Variants in DCBLD2 observed in about 807,000 individuals in gnomAD.
DCBLD2 encodes discoidin, CUB and LCCL domain containing 2, also known as discoidin, CUB and LCCL domain-containing protein 2.
Under a neutral mutation model 86.8 loss-of-function variants are expected in DCBLD2, and 54 were observed. That is an observed-to-expected ratio of 0.62 (90% CI 0.50 to 0.78). The LOEUF (loss-of-function observed/expected upper bound fraction) is 0.78. Among genes scored for constraint, DCBLD2 ranks in the 30% least tolerant of loss-of-function variants. DCBLD2 has a pLI of 0.00. For synonymous variants in DCBLD2, 354 were observed against 341.3 expected, an observed-to-expected ratio of 1.04 and a Z score of -0.41; for missense variants, 908 against 954.2, an observed-to-expected ratio of 0.95 and a Z score of 0.64.
At chr3:98,830,130 A>G (rs1403709491) in intron 3 of DCBLD2, among the ~76,000 whole-genome samples, 1 of 151,594 alleles carries the variant, frequency 6.6e-6, no homozygotes, top group Admixed American at 6.6e-5. Context: ...TTGATGTTGG[A>G]TATCAGACCT....
At chr3:98,890,577 C>T (rs1943642502) in intron 1 of DCBLD2, 2 of 152,064 alleles carry the variant, frequency 1.3e-5, no homozygotes, top group South Asian at 4.1e-4. Context: ...TTCTGAGCTG[C>T]CAAAAGCCAA....
At chr3:98,846,890 C>T (rs1942735828) in intron 3 of DCBLD2, among the ~76,000 whole-genome samples, 1 of 151,790 alleles carries the variant, frequency 6.6e-6, no homozygotes, top group South Asian at 2.1e-4. Context: ...TTTAAAAAAA[C>T]AGGATACTTA....
chr3:98,867,013 T>C (rs1943159935), intron 2 of DCBLD2, among the ~76,000 whole-genome samples: 1 of 152,166 alleles, frequency 6.6e-6, no homozygotes, highest in African/African-American at 2.4e-5. Flanking sequence ...GATCAGATGG[T>C]TGTAGATGTG....
intron 3 of DCBLD2, among the ~76,000 whole-genome samples, chr3:98,840,323 A>G (rs1942597009): frequency 6.6e-6 from 1 of 152,194 alleles, no homozygotes; most frequent in South Asian, 2.1e-4. Context: ...AGCTTGAGAA[A>G]AAGAGAGGAG....
chr3:98,799,891 T>G, intron 15 of DCBLD2, 50 bp from the exon 16 acceptor site: 2 of 1,473,824 alleles, frequency 1.4e-6, no homozygotes, highest in Non-Finnish European at 1.8e-6. Flanking sequence ...GTAAAGAGAT[T>G]GCATAATTTA....
At chr3:98,878,514 A>C (rs895398251) in intron 2 of DCBLD2, among the ~76,000 whole-genome samples, 1 of 152,238 alleles carries the variant, frequency 6.6e-6, no homozygotes, top group African/African-American at 2.4e-5. Context: ...AAAAAGATTC[A>C]GTGACATTAT....
chr3:98,812,672 A>G (rs112866538), intron 9 of DCBLD2, 190 bp from the exon 10 acceptor site: 11 of 484,128 alleles, frequency 2.3e-5, no homozygotes, highest in African/African-American at 2.0e-4. Flanking sequence ...ATTTTTATCA[A>G]AAGTTTATGA....
chr3:98,797,685 A>G lies in DCBLD2; in HGVS notation c.*1687T>C, dbSNP rs1941637344. The G allele has an allele frequency of 6.6e-6, 1 of 152,228 alleles. No individual in the cohort carries two copies. Among genetic ancestry groups the G allele is most frequent in the Non-Finnish European group, 1.5e-5 (1 of 68,032 alleles). The allele number at this position is 152,228 out of a possible 1,614,324, so 9.4% of individuals were successfully genotyped here. A position where few individuals can be genotyped will look rare whatever the true frequency, so the allele number is the denominator to read the frequency against. ...CCAGTGAAAATAAGGCCAAAAAACCATACCACAAAAGGACAGGAAGCCTGC... is the reference window on the plus strand; with the variant it reads ...CCAGTGAAAATAAGGCCAAAAAACCGTACCACAAAAGGACAGGAAGCCTGC... On this transcript the variant is annotated 3_prime_UTR_variant, in exon 16 of 16. Transcript: ENST00000326840.
intron 3 of DCBLD2, among the ~76,000 whole-genome samples, chr3:98,827,315 T>C (rs1449347591): frequency 6.6e-6 from 1 of 152,172 alleles, no homozygotes; most frequent in Non-Finnish European, 1.5e-5. Context: ...CAAAAAAATT[T>C]CCGACTTCTA....
At chr3:98,882,797 A>T (rs1943495161) in intron 1 of DCBLD2, among the ~76,000 whole-genome samples, 1 of 152,206 alleles carries the variant, frequency 6.6e-6, no homozygotes, top group Admixed American at 6.5e-5. Context: ...TATATGTGCC[A>T]CATTTTCTTT....
intron 2 of DCBLD2, among the ~76,000 whole-genome samples, chr3:98,869,326 T>C (rs1226748885): frequency 6.6e-6 from 1 of 152,246 alleles, no homozygotes; most frequent in Non-Finnish European, 1.5e-5. Flanking sequence ...TTTCAGTTCC[T>C]TGTAGATTAC....
chr3:98,867,933 G>A (rs1190910938), intron 2 of DCBLD2, among the ~76,000 whole-genome samples: 2 of 151,906 alleles, frequency 1.3e-5, no homozygotes, highest in Non-Finnish European at 2.9e-5. Flanking sequence ...CTCCTGCATA[G>A]CTGGGACTAC....
At chr3:98,877,930 A>G (rs1256606392) in intron 2 of DCBLD2, among the ~76,000 whole-genome samples, 1 of 152,214 alleles carries the variant, frequency 6.6e-6, no homozygotes, top group Non-Finnish European at 1.5e-5. Context: ...GGAAAGGGTG[A>G]TAAGTGATGG....
At chr3:98,819,802 C>G (rs1487355225) in intron 7 of DCBLD2, among the ~76,000 whole-genome samples, 2 of 152,146 alleles carry the variant, frequency 1.3e-5, no homozygotes, top group African/African-American at 4.8e-5. Flanking sequence ...TCCTTATTTT[C>G]CTACATCTTT....
rs1943496022 is a variant in DCBLD2 at position 98,882,839 on chromosome 3, A to G, written c.206-1072T>C. On this transcript the variant is annotated intron_variant, in intron 1 of 15. Coordinates refer to ENST00000326840, the MANE Select transcript of DCBLD2 (RefSeq NM_080927.4). Reference sequence around the variant, plus strand: ...TCTATTACTGATGAACACTTGGGTTAGTTCCAAGTCTTTGCTATTGTGAAT... The same window carrying G: ...TCTATTACTGATGAACACTTGGGTTGGTTCCAAGTCTTTGCTATTGTGAAT... Among the ~76,000 whole-genome samples, 3 of 152,206 alleles carry G rather than the reference A, an allele frequency of 2.0e-5. No homozygotes were observed. In the South Asian group the frequency reaches 6.2e-4, roughly 32 times the overall value.
intron 10 of DCBLD2, among the ~76,000 whole-genome samples, chr3:98,812,115 A>T (rs1311533975): frequency 6.6e-6 from 1 of 152,030 alleles, no homozygotes; most frequent in Non-Finnish European, 1.5e-5. Flanking sequence ...CTTATGAATG[A>T]TGCTATTTCT....
chr3:98,812,212 T>C lies in DCBLD2; in HGVS notation c.1363+120A>G, dbSNP rs142726057. 324 of 1,342,808 alleles carry C rather than the reference T, an allele frequency of 2.4e-4. 4 individuals are homozygous for C. The East Asian group carries it at 6.8e-3, about 28-fold the overall frequency. 83.2% of individuals were successfully genotyped at this position (1,342,808 alleles called of 1,614,324 possible). On this transcript the variant is annotated intron_variant, in intron 10 of 15. Transcript: ENST00000326840. ...TTTTTAACATCCCTTTAAGAAGATA[T>C]TGTAATTAGAGTTTAACCAGAAAGA...
At chr3:98,893,792 A>G (rs1255397016) in intron 1 of DCBLD2, among the ~76,000 whole-genome samples, 1 of 152,208 alleles carries the variant, frequency 6.6e-6, no homozygotes, top group Non-Finnish European at 1.5e-5. Context: ...CAGTGCTCTG[A>G]TAAAGAGGAA....
At chr3:98,843,526 G>A (rs1189894726) in intron 3 of DCBLD2, among the ~76,000 whole-genome samples, 2 of 151,992 alleles carry the variant, frequency 1.3e-5, no homozygotes, top group African/African-American at 4.8e-5. Flanking sequence ...ACAGAAATTT[G>A]GACTCTGCTA....
Sources: allele counts gnomAD v4.1 joint callset (sites outside exome capture counted in the v4.1 genomes callset), GRCh38; gene constraint gnomAD v4.1.1; transcripts MANE v1.5; gene names NCBI Gene and HGNC (gene_info 2026-07-23, HGNC 2026-07-21).